PLIN4: variants seen among roughly 807,000 people sequenced by gnomAD.
PLIN4 encodes perilipin-4.
A neutral mutation model predicts 52.4 loss-of-function variants in PLIN4; 57 were observed. The ratio of observed to expected loss-of-function variants is 1.09; its 90% CI spans 0.88 to 1.36. The LOEUF is 1.36. Among genes scored for constraint, PLIN4 ranks in the 40% most tolerant of loss-of-function variants. The pLI, the probability that PLIN4 is intolerant of heterozygous loss-of-function variation, is 0.00. For missense variants in PLIN4, 1,757 were observed against 1,770.3 expected (o/e 0.99, Z 0.13); for synonymous variants, 826 against 785.4 (o/e 1.05, Z -0.86).
Position 4,512,565 on chromosome 19 carries a change from G to A in PLIN4, c.1395C>T (p.Thr465=). The change falls in exon 5 of 8, where the codon ACC becomes ACT. Residue 465 remains threonine, a synonymous_variant. Coordinates refer to ENST00000301286, the MANE Select transcript of PLIN4 (RefSeq NM_001367868.2). ...VDTTKIVLTG[T]KDTVCSGVTG... is the part of the protein sequence containing the mutation. ...TGACCCCACTGCAGACAGTGTCCTT[G>A]GTACCAGTTAGAACGATCTTGGTGG... 6.2e-7 allele frequency: 1 copy of A among 1,610,690 alleles called. No individual in the cohort carries two copies. Among genetic ancestry groups the A allele is most frequent in the Non-Finnish European group, 8.5e-7 (1 of 1,178,344 alleles).
chr19:4,506,951 G>T (rs1459283100), intron 6 of PLIN4, among the ~76,000 whole-genome samples: 5 of 152,210 alleles, frequency 3.3e-5, no homozygotes, highest in African/African-American at 7.2e-5. Context: ...CTTGCCCTTG[G>T]CACTGTGGAC....
In PLIN4 at chr19:4,512,738, T is replaced by G. The variant is rs938246939; in HGVS notation, c.1222A>C (p.Thr408Pro). Residue 408 changes from threonine (T) to proline (P), a missense_variant, in exon 5 of 8, where the codon ACA becomes CCA. Thr to Pro is a conservative substitution (Grantham distance 38). This residue lies in a region of PLIN4 where 439 missense variants were observed against 406.4 expected (regional missense o/e 1.08). Coordinates refer to ENST00000301286, the MANE Select transcript of PLIN4 (RefSeq NM_001367868.2). The part of the protein sequence containing the change: ...GTKDTMSTGL[T>P]GAANVAKGAM... Reference sequence around the variant, plus strand: ...CCCTTGGCCACATTCGCTGCCCCTGTGAGCCCAGTGGACATCGTGTCTTTC... The same window carrying G: ...CCCTTGGCCACATTCGCTGCCCCTGGGAGCCCAGTGGACATCGTGTCTTTC... 30 of 1,560,254 alleles carry G rather than the reference T, an allele frequency of 1.9e-5. 2 individuals carry two copies. Among genetic ancestry groups the G allele is most frequent in the Non-Finnish European group, 2.5e-5 (29 of 1,158,804 alleles).
intron 6 of PLIN4, among the ~76,000 whole-genome samples, chr19:4,506,126 CT>C (rs1976085718): frequency 6.6e-6 from 1 of 152,132 alleles, no homozygotes; most frequent in Non-Finnish European, 1.5e-5. Context: ...CAGAGTGATC[CT>C]TTTAAATGAA....
chr19:4,510,696 C>T lies in PLIN4; in HGVS notation c.3264G>A (p.Pro1088=), dbSNP rs371845550. ...EQTALSPQEA[P]FSGISTPPDV... ...CCGGGGGCGTGGAGATGCCAGAGAA[C>T]GGGGCCTCTTGGGGGCTCAGGGCAG... The change falls in exon 5 of 8, where the codon CCG becomes CCA. Residue 1088 remains proline, a synonymous_variant. Transcript: ENST00000301286. The T allele has an allele frequency of 2.7e-5, 41 of 1,523,984 alleles. No homozygotes were observed. Among genetic ancestry groups the T allele is most frequent in the African/African-American group, 1.8e-4 (13 of 72,162 alleles). 94.4% of individuals were successfully genotyped at this position (1,523,984 alleles called of 1,614,324 possible). A position where few individuals can be genotyped will look rare whatever the true frequency, so the allele number is the denominator to read the frequency against.
At position 4,502,384 on chromosome 19, in the gene PLIN4, G is replaced by A; in HGVS notation, c.*2075C>T. On this transcript the variant is annotated 3_prime_UTR_variant, in exon 8 of 8. Transcript: ENST00000301286. ...CCCAACCCTGAAAGGCCAGTGGCAG[G>A]AGAGCTGGGCGGGAGCAAGCTCTTC... 2.8e-6 allele frequency: 1 copy of A among 355,224 alleles called. No homozygotes were observed. The highest frequency in any genetic ancestry group is 2.3e-5 in the South Asian group (1 of 42,952). The allele number at this position is 355,224 out of a possible 1,614,324, so 22.0% of individuals were successfully genotyped here. A position where few individuals can be genotyped will look rare whatever the true frequency, so the allele number is the denominator to read the frequency against.
chr19:4,509,225 G>A (rs1347844191), intron 5 of PLIN4, among the ~76,000 whole-genome samples: 1 of 142,692 alleles, frequency 7.0e-6, no homozygotes, highest in Non-Finnish European at 1.5e-5. Context: ...GCAGGAGAAT[G>A]GCGTGAACCC....
chr19:4,508,198 C>G (rs151157091), intron 6 of PLIN4, among the ~76,000 whole-genome samples: 1 of 152,292 alleles, frequency 6.6e-6, no homozygotes, highest in African/African-American at 2.4e-5. Flanking sequence ...GAGGGACGGC[C>G]TTCCTGCCCA....
At chr19:4,508,412 G>T (rs919304143) in intron 6 of PLIN4, among the ~76,000 whole-genome samples, 1 of 152,114 alleles carries the variant, frequency 6.6e-6, no homozygotes, top group African/African-American at 2.4e-5. Flanking sequence ...GATTACAGGC[G>T]CCTGCCACCA....
rs777407339 is a variant in PLIN4, at chr19:4,510,678, C to T, written c.3282G>A (p.Thr1094=). Residue 1094 remains threonine, a synonymous_variant, in exon 5 of 8, where the codon ACG becomes ACA. Coordinates refer to ENST00000301286, the MANE Select transcript of PLIN4 (RefSeq NM_001367868.2). ...PQEAPFSGIS[T]PPDVLSVGPE... is the part of the protein sequence containing the mutation. ...GGCCTACACTGAGCACATCCGGGGG[C>T]GTGGAGATGCCAGAGAACGGGGCCT... 6.2e-5 allele frequency: 95 copies of T among 1,520,698 alleles called. No homozygotes were observed. In the East Asian group the frequency reaches 1.6e-3, roughly 25 times the overall value. The allele number at this position is 1,520,698 out of a possible 1,614,324, so 94.2% of individuals were successfully genotyped here.
Position 4,517,710 on chromosome 19 carries a change from C to CG in PLIN4, c.52-13dup, listed in dbSNP as rs1568238778. 9 of 1,573,246 alleles carry CG rather than the reference C, an allele frequency of 5.7e-6. No homozygotes were observed. Among genetic ancestry groups the CG allele is most frequent in the East Asian group, 4.7e-5 (2 of 42,768 alleles). ...AAGCTGCCCAGGGTCTGCATGGGGG[C>CG]GGGGGGTGTGCAGGATGAGCAGGCC... On this transcript the variant is annotated splice_polypyrimidine_tract_variant and intron_variant, in intron 2 of 7. Coordinates refer to ENST00000301286, the MANE Select transcript of PLIN4 (RefSeq NM_001367868.2).
At position 4,510,528 on chromosome 19, in the gene PLIN4, T is replaced by C. The variant is rs936927063; in HGVS notation, c.3432A>G (p.Glu1144=). The change falls in exon 5 of 8, where the codon GAA becomes GAG. Residue 1144 remains glutamate, a synonymous_variant. Coordinates refer to ENST00000301286, the MANE Select transcript of PLIN4 (RefSeq NM_001367868.2). ...TGLLATTHGP[E]EAPRLAMLQN... Reference sequence around the variant, plus strand: ...GCAGCATTGCCAAGCGTGGGGCTTCTTCGGGGCCGTGTGTGGTGGCCAAAA... The same window carrying C: ...GCAGCATTGCCAAGCGTGGGGCTTCCTCGGGGCCGTGTGTGGTGGCCAAAA... The C allele has an allele frequency of 6.7e-6, 10 of 1,490,060 alleles. No homozygotes were observed. The highest frequency in any genetic ancestry group is 2.4e-5 in the Admixed American group (1 of 40,862). 92.3% of individuals were successfully genotyped at this position (1,490,060 alleles called of 1,614,324 possible).
intron 2 of PLIN4, 116 bp downstream of exon 2, chr19:4,518,098 CCCCACCAG>C (rs552003159): frequency 6.9e-6 from 6 of 864,838 alleles, no homozygotes; most frequent in Non-Finnish European, 9.3e-6. Context: ...CCCAGACCGC[CCCCACCAG>C]CCCACCAGGG....
rs543634074 is a variant in PLIN4, at chr19:4,502,613, T to G, written c.*1846A>C. 1.5e-5 allele frequency: 3 copies of G among 199,990 alleles called. No homozygotes were observed. The South Asian group carries it at 2.3e-4, about 16-fold the overall frequency. 12.4% of individuals were successfully genotyped at this position (199,990 alleles called of 1,614,324 possible). ...CCAGGCCTTCCCTGAGAGCCGCTGC[T>G]AGCCGACAGTGGTCTCCAGCGTTCA... is the stretch of plus-strand genomic sequence containing the variant. On this transcript the variant is annotated 3_prime_UTR_variant, in exon 8 of 8. Coordinates refer to ENST00000301286, the MANE Select transcript of PLIN4 (RefSeq NM_001367868.2).
At chr19:4,508,283 G>A (rs1402999880) in intron 6 of PLIN4, among the ~76,000 whole-genome samples, 2 of 152,102 alleles carry the variant, frequency 1.3e-5, no homozygotes, top group East Asian at 3.9e-4. Flanking sequence ...TTGAGACAGA[G>A]TCTTGCTCTG....
In PLIN4 at chr19:4,511,299, T is replaced by C; in HGVS notation, c.2661A>G (p.Thr887=). 3 of 1,606,708 alleles carry C rather than the reference T, an allele frequency of 1.9e-6. No homozygotes were observed. The highest frequency in any genetic ancestry group is 1.7e-6 in the Non-Finnish European group (2 of 1,177,382). The change falls in exon 5 of 8, where the codon ACA becomes ACG. Residue 887 remains threonine (T), a synonymous_variant. Coordinates refer to ENST00000301286, the MANE Select transcript of PLIN4 (RefSeq NM_001367868.2). ...CTTTAGTGCCAGTCAGGACAGACTT[T>C]GTAGTGTCCAGGCCCCCCTGGACGG... ...KGAVQGGLDT[T]KSVLTGTKDA...
intron 4 of PLIN4, 62 bp downstream of exon 4, chr19:4,516,555 C>T (rs1216944536): frequency 1.6e-5 from 25 of 1,532,320 alleles, no homozygotes; most frequent in South Asian, 4.8e-5. Flanking sequence ...ACTGAAATGT[C>T]GCAGGAGGGG....
chr19:4,509,464 AAAT>A (rs1394268541), intron 5 of PLIN4, among the ~76,000 whole-genome samples: 2 of 150,414 alleles, frequency 1.3e-5, no homozygotes, highest in South Asian at 2.1e-4. Context: ...TAAAAATATA[AAAT>A]AATAATAATT....
chr19:4,517,534 C>T lies in PLIN4; in HGVS notation c.196+20G>A. 1 of 1,597,504 alleles carries T rather than the reference C, an allele frequency of 6.3e-7. No homozygotes were observed. Among genetic ancestry groups the T allele is most frequent in the Non-Finnish European group, 8.5e-7 (1 of 1,171,106 alleles). ...CATGTGTAGAGTCCCCCCACGCCCC[C>T]AGCTGGGCCAGCCACTCACCCTGAG... On this transcript the variant is annotated intron_variant, in intron 3 of 7. Coordinates refer to ENST00000301286, the MANE Select transcript of PLIN4 (RefSeq NM_001367868.2).
At chr19:4,517,488 G>A in intron 3 of PLIN4, 66 bp downstream of exon 3, 1 of 1,536,510 alleles carries the variant, frequency 6.5e-7, no homozygotes, top group Non-Finnish European at 8.8e-7. Flanking sequence ...TCCCTGCCCG[G>A]GGAGCTCCTT....
Sources: allele counts gnomAD v4.1 joint callset (sites outside exome capture counted in the v4.1 genomes callset), GRCh38; gene constraint gnomAD v4.1.1; regional missense constraint gnomAD v4.1.1; transcripts MANE v1.5; gene names NCBI Gene and HGNC (gene_info 2026-07-23, HGNC 2026-07-21).